NRG1: variants seen among roughly 807,000 people sequenced by gnomAD.
NRG1 encodes pro-neuregulin-1, membrane-bound isoform.
Under a neutral mutation model 63.8 loss-of-function variants are expected in NRG1, and 18 were observed. That is an observed-to-expected ratio of 0.28 (90% confidence interval 0.19 to 0.42). The LOEUF (loss-of-function observed/expected upper bound fraction) is 0.42, where lower values mean the gene tolerates loss of function less well. Ranked by LOEUF, NRG1 falls within the 10% of genes least tolerant of loss-of-function variation. The probability of loss-of-function intolerance (pLI) is 1.00; values close to 1 mark genes in which losing one functional copy is unlikely to be tolerated. For missense variants in NRG1, 762 were observed against 814.7 expected (o/e 0.94, Z 0.79); for synonymous variants, 302 against 301.3 (o/e 1.00, Z -0.02).
At chr8:32,413,109 G>A (rs1357051438) in intron 1 of NRG1, among the ~76,000 whole-genome samples, 1 of 152,124 alleles carries the variant, frequency 6.6e-6, no homozygotes, top group Non-Finnish European at 1.5e-5. Flanking sequence ...CATATTCTTT[G>A]ATCTAGCCAT....
intron 3 of NRG1, among the ~76,000 whole-genome samples, chr8:32,611,945 A>G (rs1242147201): frequency 1.3e-5 from 2 of 152,086 alleles, no homozygotes; most frequent in African/African-American, 4.8e-5. Context: ...TTTCTAGAAG[A>G]TATCTTTGAG....
intron 5 of NRG1, among the ~76,000 whole-genome samples, chr8:32,700,961 T>C (rs537234001): frequency 4.6e-5 from 7 of 152,184 alleles, no homozygotes; most frequent in South Asian, 2.1e-4. Context: ...AAGCAAGGCC[T>C]CTCCTCTGCA....
intron 1 of NRG1, among the ~76,000 whole-genome samples, chr8:31,665,876 C>T (rs901782757): frequency 6.6e-6 from 1 of 152,128 alleles, no homozygotes; most frequent in Non-Finnish European, 1.5e-5. Flanking sequence ...AGCAGCAGAG[C>T]ATGAACTCTG....
chr8:32,338,790 CA>C (rs2129478145), intron 1 of NRG1, among the ~76,000 whole-genome samples: 1 of 152,280 alleles, frequency 6.6e-6, no homozygotes, highest in East Asian at 1.9e-4. Context: ...TAAATCCAAA[CA>C]TGCCTAGGTA....
intron 1 of NRG1, among the ~76,000 whole-genome samples, chr8:31,828,535 C>A (rs373078160): frequency 6.6e-6 from 1 of 152,150 alleles, no homozygotes; most frequent in Non-Finnish European, 1.5e-5. Context: ...GATTGCATTT[C>A]CAGATGGTCT....
exon 12 of NRG1, chr8:32,765,440 C>T (rs1165524383): frequency 1.3e-5 from 2 of 152,076 alleles, no homozygotes; most frequent in East Asian, 3.9e-4. Context: ...CTGTACATAG[C>T]GATGACTTGT....
chr8:32,173,014 A>G (rs1353871303), intron 1 of NRG1, among the ~76,000 whole-genome samples: 1 of 152,168 alleles, frequency 6.6e-6, no homozygotes, highest in Non-Finnish European at 1.5e-5. Flanking sequence ...CCTCGAGAAG[A>G]GCAACTCCAA....
chr8:31,972,344 C>T (rs1330949956), intron 1 of NRG1, among the ~76,000 whole-genome samples: 1 of 152,110 alleles, frequency 6.6e-6, no homozygotes, highest in African/African-American at 2.4e-5. Flanking sequence ...ATCAAACAGC[C>T]TAGCTTTACA....
At chr8:32,412,437 TATATATATATATATAC>T (rs1289974256) in intron 1 of NRG1, among the ~76,000 whole-genome samples, 6 of 33,820 alleles carry the variant, frequency 1.8e-4, no homozygotes, top group African/African-American at 3.4e-4. Flanking sequence ...TATATATATA[TATATATATATATATAC>T]ATATATATAT....
chr8:32,518,566 A>G (rs991407431), intron 1 of NRG1, among the ~76,000 whole-genome samples: 6 of 152,194 alleles, frequency 3.9e-5, no homozygotes, highest in Non-Finnish European at 7.3e-5. Context: ...TGTAAAAAAG[A>G]GGACTAGAGA....
At chr8:32,734,902 A>G (rs1037938631) in intron 6 of NRG1, among the ~76,000 whole-genome samples, 3 of 152,182 alleles carry the variant, frequency 2.0e-5, no homozygotes, top group African/African-American at 7.2e-5. Context: ...TGCTCATGCT[A>G]CAGACAAAGT....
chr8:31,835,071 T>G (rs1825568735), intron 1 of NRG1, among the ~76,000 whole-genome samples: 2 of 152,238 alleles, frequency 1.3e-5, no homozygotes, highest in Admixed American at 1.3e-4. Context: ...AGATAATCAT[T>G]GTAAAAAATG....
intron 1 of NRG1, among the ~76,000 whole-genome samples, chr8:31,662,907 G>A (rs1806144492): frequency 6.6e-6 from 1 of 152,174 alleles, no homozygotes. Flanking sequence ...CTGCTGATAA[G>A]ATATTTAGTC....
chr8:31,877,362 C>T (rs561635602), intron 1 of NRG1, among the ~76,000 whole-genome samples: 12 of 152,036 alleles, frequency 7.9e-5, no homozygotes, highest in African/African-American at 2.9e-4. Context: ...GTGGAGAGGA[C>T]CTTAAGAATC....
At chr8:32,759,009 A>T (rs1341236881) in intron 9 of NRG1, among the ~76,000 whole-genome samples, 2 of 152,216 alleles carry the variant, frequency 1.3e-5, no homozygotes. Flanking sequence ...AAAATAAAAT[A>T]GAAGAAATAG....
chr8:32,768,001 G>C (rs1831557496), downstream of NRG1: 1 of 152,206 alleles, frequency 6.6e-6, no homozygotes, highest in African/African-American at 2.4e-5. Context: ...CAGTCTGTTA[G>C]ACCAGCACCT....
chr8:31,914,443 T>G (rs1442530232), intron 1 of NRG1, among the ~76,000 whole-genome samples: 1 of 151,330 alleles, frequency 6.6e-6, no homozygotes, highest in Non-Finnish European at 1.5e-5. Flanking sequence ...GCTGCCTGAG[T>G]GTCAACATTT....
At chr8:32,646,029 C>T (rs1010058550) in intron 5 of NRG1, among the ~76,000 whole-genome samples, 32 of 152,168 alleles carry the variant, frequency 2.1e-4, no homozygotes, top group Admixed American at 2.0e-3. Flanking sequence ...TATTACAGTG[C>T]CAGGGAATCC....
chr8:32,179,186 A>AT (rs1350807008), intron 1 of NRG1, among the ~76,000 whole-genome samples: 3 of 95,504 alleles, frequency 3.1e-5, no homozygotes, highest in African/African-American at 7.7e-5. Flanking sequence ...TCTCACAGTC[A>AT]TAAAAAAAAA....
Sources: gnomAD v4.1 joint callset for allele counts (sites outside exome capture counted in the v4.1 genomes callset) on GRCh38, gnomAD v4.1.1 for gene constraint, MANE v1.5 for transcripts, NCBI Gene and HGNC (gene_info 2026-07-23, HGNC 2026-07-21) for gene names.